The following ASAP1 variants were observed in gnomAD, a reference collection of about 807,000 sequenced individuals.
ASAP1 encodes the protein arf-GAP with SH3 domain, ANK repeat and PH domain-containing protein 1.
A neutral mutation model predicts 145.2 loss-of-function variants in ASAP1; 43 were observed. The observed-to-expected ratio is 0.30, with a 90% CI of 0.23 to 0.38. The LOEUF (loss-of-function observed/expected upper bound fraction) is 0.38, where lower values mean the gene tolerates loss of function less well. Among genes scored for constraint, ASAP1 ranks in the 10% least tolerant of loss-of-function variants. The probability of loss-of-function intolerance (pLI) is 1.00; values close to 1 mark genes in which losing one functional copy is unlikely to be tolerated. For synonymous variants in ASAP1, 546 were observed against 515.5 expected, an observed-to-expected ratio of 1.06 and a Z score of -0.80; for missense variants, 1,018 against 1,355.3, an observed-to-expected ratio of 0.75 and a Z score of 3.91.
At chr8:130,365,892 G>A (rs955889050) in intron 2 of ASAP1, among the ~76,000 whole-genome samples, 1 of 152,194 alleles carries the variant, frequency 6.6e-6, no homozygotes, top group Non-Finnish European at 1.5e-5. Flanking sequence ...ATCCAGAAGA[G>A]AGTAAGATCC....
intron 11 of ASAP1, among the ~76,000 whole-genome samples, chr8:130,162,625 T>C (rs1016520951): frequency 6.6e-6 from 1 of 152,012 alleles, no homozygotes; most frequent in African/African-American, 2.4e-5. Context: ...GAGACCATCC[T>C]GGCTAACACG....
intron 3 of ASAP1, among the ~76,000 whole-genome samples, chr8:130,261,067 A>T (rs1484055716): frequency 2.6e-5 from 4 of 152,154 alleles, no homozygotes; most frequent in Admixed American, 2.6e-4. Context: ...GTCAATTACT[A>T]GTCACAGACC....
At chr8:130,072,825 G>GCGTGCGCGCGCGCGCGCGCA (rs1554816396) in intron 27 of ASAP1, among the ~76,000 whole-genome samples, 4 of 54,116 alleles carry the variant, frequency 7.4e-5, no homozygotes, top group Non-Finnish European at 1.5e-4. Context: ...GTGTGTGTGT[G>GCGTGCGCGCGCGCGCGCGCA]CGCGCGGGGG....
At chr8:130,145,034 G>T (rs924241232) in intron 13 of ASAP1, among the ~76,000 whole-genome samples, 1 of 152,136 alleles carries the variant, frequency 6.6e-6, no homozygotes, top group Non-Finnish European at 1.5e-5. Context: ...GAGCTTACTG[G>T]GGCTCCTGCT....
At chr8:130,137,698 A>G (rs1049266530) in intron 13 of ASAP1, among the ~76,000 whole-genome samples, 1 of 152,202 alleles carries the variant, frequency 6.6e-6, no homozygotes, top group Non-Finnish European at 1.5e-5. Context: ...ATATCTGGGG[A>G]GAGAGAAAAT....
intron 3 of ASAP1, among the ~76,000 whole-genome samples, chr8:130,314,586 C>T (rs1052985391): frequency 5.9e-5 from 9 of 152,330 alleles, no homozygotes; most frequent in Admixed American, 5.2e-4. Flanking sequence ...ACACAGATTG[C>T]CAGGCCTGTT....
chr8:130,378,872 TCA>T (rs1827630054), intron 2 of ASAP1, among the ~76,000 whole-genome samples: 1 of 152,206 alleles, frequency 6.6e-6, no homozygotes, highest in Admixed American at 6.5e-5. Flanking sequence ...TCTGGGCAAC[TCA>T]CAGTCACAGG....
intron 1 of ASAP1, among the ~76,000 whole-genome samples, chr8:130,408,933 G>C (rs1356588613): frequency 6.6e-6 from 1 of 152,134 alleles, no homozygotes; most frequent in Non-Finnish European, 1.5e-5. Context: ...ACCCCATTTG[G>C]TATCATTTCC....
chr8:130,114,114 G>T (rs375257287), intron 23 of ASAP1, among the ~76,000 whole-genome samples: 1 of 152,132 alleles, frequency 6.6e-6, no homozygotes, highest in Non-Finnish European at 1.5e-5. Context: ...CTGAGATAAC[G>T]TAAGTGCTTA....
chr8:130,124,287 C>A (rs2097571418), intron 17 of ASAP1, among the ~76,000 whole-genome samples, 183 bp from the exon 18 acceptor site: 1 of 152,230 alleles, frequency 6.6e-6, no homozygotes, highest in Non-Finnish European at 1.5e-5. Context: ...AAGCACCAAA[C>A]TAAGTGCTGG....
chr8:130,402,001 A>C, intron 1 of ASAP1, 31 bp from the exon 2 acceptor site: 2 of 1,473,842 alleles, frequency 1.4e-6, no homozygotes, highest in Non-Finnish European at 9.4e-7. Context: ...AAAGGGGACA[A>C]GAGTCATCCG....
intron 1 of ASAP1, among the ~76,000 whole-genome samples, chr8:130,426,840 G>C (rs1829937023): frequency 6.6e-6 from 1 of 152,114 alleles, no homozygotes; most frequent in African/African-American, 2.4e-5. Flanking sequence ...CTTCCATAAG[G>C]ACTATTTGTC....
rs547642481 is a variant in ASAP1 at position 130,243,293 on chromosome 8, T to C, written c.187-6299A>G. 1.4e-4 allele frequency among the ~76,000 whole-genome samples: 21 copies of C among 152,268 alleles called. No homozygotes were observed. In the South Asian group the frequency reaches 3.5e-3, roughly 26 times the overall value. On this transcript the variant is annotated intron_variant, in intron 3 of 29. Coordinates refer to ENST00000518721, the MANE Select transcript of ASAP1 (RefSeq NM_018482.4). ...CATCATTCCACTCTACCTTATTTTT[T>C]AGATGTTTAAGTACCTGCGTCTCTC... is the stretch of plus-strand genomic sequence containing the variant.
At chr8:130,115,845 T>G (rs2097554923) in intron 22 of ASAP1, 110 bp from the exon 23 acceptor site, 1 of 806,762 alleles carries the variant, frequency 1.2e-6, no homozygotes, top group Admixed American at 1.9e-5. Context: ...ATGAATCATC[T>G]GTAGGTGTAC....
intron 2 of ASAP1, among the ~76,000 whole-genome samples, chr8:130,364,660 A>G (rs998146434): frequency 1.8e-4 from 27 of 152,334 alleles, no homozygotes; most frequent in Non-Finnish European, 2.6e-4. Context: ...TGACTGGTCT[A>G]GAGAGCAGCT....
At chr8:130,269,842 T>A (rs1026568762) in intron 3 of ASAP1, among the ~76,000 whole-genome samples, 2 of 152,192 alleles carry the variant, frequency 1.3e-5, no homozygotes, top group Non-Finnish European at 2.9e-5. Flanking sequence ...GTTCCAAGCA[T>A]CCAGGATCAC....
At chr8:130,252,972 A>C (rs7832651) in intron 3 of ASAP1, among the ~76,000 whole-genome samples, 1 of 151,840 alleles carries the variant, frequency 6.6e-6, no homozygotes, top group Non-Finnish European at 1.5e-5. Context: ...GGAAACCACC[A>C]AGCCTTTTAG....
rs1013252098 is a variant in ASAP1, at chr8:130,076,754, C to T, written c.2643-348G>A. 1.4e-4 allele frequency among the ~76,000 whole-genome samples: 21 copies of T among 152,248 alleles called. No homozygotes were observed. In the East Asian group the frequency reaches 2.1e-3, roughly 15 times the overall value. On this transcript the variant is annotated intron_variant, in intron 26 of 29. Coordinates refer to ENST00000518721, the MANE Select transcript of ASAP1 (RefSeq NM_018482.4). ...CAAGCTGGTCTTGTACTCCTGAGCTCGTGGATCCACCCACCTCAGCCTTCC... is the reference window on the plus strand; with the variant it reads ...CAAGCTGGTCTTGTACTCCTGAGCTTGTGGATCCACCCACCTCAGCCTTCC...
At chr8:130,112,504 A>T in intron 23 of ASAP1, 182 bp from the exon 24 acceptor site, 2 of 565,866 alleles carry the variant, frequency 3.5e-6, no homozygotes, top group Middle Eastern at 9.5e-4. Context: ...TAGATACCAC[A>T]CTTTCATATC....
Sources: allele counts gnomAD v4.1 joint callset (sites outside exome capture counted in the v4.1 genomes callset), GRCh38; gene constraint gnomAD v4.1.1; transcripts MANE v1.5; gene names NCBI Gene and HGNC (gene_info 2026-07-23, HGNC 2026-07-21).